The following SRGAP3 variants were observed in gnomAD, a reference collection of about 807,000 sequenced individuals.
SRGAP3 encodes SLIT-ROBO Rho GTPase-activating protein 3.
In SRGAP3, 39 loss-of-function variants were observed where a neutral mutation model predicts 121.1. The observed-to-expected ratio is 0.32, with a 90% CI of 0.25 to 0.42. The LOEUF is 0.42. SRGAP3 is among the 10% of genes least tolerant of loss of function. The probability of loss-of-function intolerance (pLI) is 1.00; values close to 1 mark genes in which losing one functional copy is unlikely to be tolerated. For synonymous variants in SRGAP3, 601 were observed against 570.0 expected, an observed-to-expected ratio of 1.05 and a Z score of -0.77; for missense variants, 1,213 against 1,470.6, an observed-to-expected ratio of 0.82 and a Z score of 2.86.
chr3:9,246,706 A>C (rs1953838370), intron 1 of SRGAP3, among the ~76,000 whole-genome samples: 1 of 152,208 alleles, frequency 6.6e-6, no homozygotes, highest in Non-Finnish European at 1.5e-5. Context: ...TATGATGGTG[A>C]TTAACACACA....
At position 9,353,436 on chromosome 3, in the gene SRGAP3, G is replaced by A. The variant is rs557258710; in HGVS notation, n.214+9404C>T. ...ATAAGGATACAGTTCCTTTCCAAAC[G>A]AATGAGCTGCTTTTAAATCAACTTA... On this transcript the variant is annotated intron_variant and non_coding_transcript_variant, in intron 1 of 3. Transcript: ENST00000490889. Among the ~76,000 whole-genome samples, 9 of 152,334 alleles carry A rather than the reference G, an allele frequency of 5.9e-5. No individual in the cohort carries two copies. In the East Asian group the frequency reaches 1.7e-3, roughly 29 times the overall value.
At chr3:9,146,261 G>A (rs538328636) in intron 1 of SRGAP3, among the ~76,000 whole-genome samples, 1 of 152,254 alleles carries the variant, frequency 6.6e-6, no homozygotes, top group Admixed American at 6.5e-5. Flanking sequence ...AGTGCCACAG[G>A]GCCCATCTCA....
At chr3:9,153,365 A>G (rs1950278350) in intron 1 of SRGAP3, among the ~76,000 whole-genome samples, 1 of 152,210 alleles carries the variant, frequency 6.6e-6, no homozygotes, top group East Asian at 1.9e-4. Context: ...TGAGAGGCAA[A>G]TACTATTATC....
At chr3:9,181,651 G>A (rs528343226) in intron 1 of SRGAP3, among the ~76,000 whole-genome samples, 83 of 152,290 alleles carry the variant, frequency 5.5e-4, no homozygotes, top group African/African-American at 1.9e-3. Flanking sequence ...GCCAGGGAGG[G>A]TACAACGCAT....
At chr3:9,062,484 T>G (rs1244870785) in intron 5 of SRGAP3, among the ~76,000 whole-genome samples, 2 of 152,196 alleles carry the variant, frequency 1.3e-5, no homozygotes, top group Non-Finnish European at 2.9e-5. Flanking sequence ...TAGAATATTT[T>G]CATCACCCCA....
In SRGAP3 at chr3:9,236,633, C is replaced by A. The variant is rs533269035; in HGVS notation, c.67+12252G>T. On this transcript the variant is annotated intron_variant, in intron 1 of 21. Transcript: ENST00000383836. Reference sequence around the variant, plus strand: ...ATGTAAGATGTGCCTGCTTCCCCTTCACCTTCTGCCATGATTGTAAGTATC... The same window carrying A: ...ATGTAAGATGTGCCTGCTTCCCCTTAACCTTCTGCCATGATTGTAAGTATC... Among the ~76,000 whole-genome samples the A allele has an allele frequency of 1.4e-4, 21 of 152,226 alleles. No homozygotes were observed. The South Asian group carries it at 4.4e-3, about 32-fold the overall frequency.
chr3:9,169,645 A>T (rs752949502), intron 1 of SRGAP3, among the ~76,000 whole-genome samples: 10 of 152,262 alleles, frequency 6.6e-5, no homozygotes, highest in Non-Finnish European at 1.2e-4. Flanking sequence ...ACACTTGGGA[A>T]ACTCAAAGTA....
intron 1 of SRGAP3, among the ~76,000 whole-genome samples, chr3:9,350,726 G>A (rs2030087120): frequency 6.6e-6 from 1 of 152,152 alleles, no homozygotes; most frequent in African/African-American, 2.4e-5. Context: ...ACTTGCACAT[G>A]TAACTCTTCT....
chr3:9,361,734 T>C (rs1026387119), intron 1 of SRGAP3, among the ~76,000 whole-genome samples: 1 of 152,210 alleles, frequency 6.6e-6, no homozygotes, highest in Non-Finnish European at 1.5e-5. Context: ...ACCAGCCTGA[T>C]GCTGACCCTC....
At chr3:9,330,835 G>C (rs897273536) in intron 1 of SRGAP3, among the ~76,000 whole-genome samples, 7 of 152,202 alleles carry the variant, frequency 4.6e-5, no homozygotes, top group Non-Finnish European at 4.4e-5. Flanking sequence ...AATGGAGTTT[G>C]AAGATTCAGC....
At chr3:9,263,157 C>A (rs894751376) in intron 3 of SRGAP3, among the ~76,000 whole-genome samples, 1 of 152,146 alleles carries the variant, frequency 6.6e-6, no homozygotes, top group East Asian at 1.9e-4. Flanking sequence ...TAAATAAGTT[C>A]TTTGAAACCA....
intron 1 of SRGAP3, among the ~76,000 whole-genome samples, chr3:9,140,468 TTTGAGG>T (rs1489492737): frequency 6.6e-6 from 1 of 152,168 alleles, no homozygotes; most frequent in Non-Finnish European, 1.5e-5. Flanking sequence ...TCATGGTTAT[TTTGAGG>T]TGGTAGGATT....
At chr3:9,258,903 T>C (rs1954192157) in intron 3 of SRGAP3, among the ~76,000 whole-genome samples, 1 of 152,176 alleles carries the variant, frequency 6.6e-6, no homozygotes, top group Admixed American at 6.5e-5. Context: ...GCTTTTCACG[T>C]GTGAATCAGA....
At chr3:9,299,662 C>A (rs925726044) in intron 3 of SRGAP3, among the ~76,000 whole-genome samples, 14 of 152,190 alleles carry the variant, frequency 9.2e-5, no homozygotes, top group African/African-American at 3.4e-4. Flanking sequence ...GTAATCCCAG[C>A]ACTTTGGGAG....
At chr3:9,071,015 G>A (rs77913797) in intron 4 of SRGAP3, among the ~76,000 whole-genome samples, 1,529 of 152,308 alleles carry the variant, frequency 0.01, 7 homozygotes, top group Non-Finnish European at 0.017. Context: ...TGTTAGCTGG[G>A]TGAGCAGGGC....
At chr3:9,022,376 T>C (rs1486934601) in intron 14 of SRGAP3, among the ~76,000 whole-genome samples, 2 of 152,172 alleles carry the variant, frequency 1.3e-5, no homozygotes, top group African/African-American at 4.8e-5. Context: ...AGGAAAAACA[T>C]GGCATACTGG....
chr3:9,188,342 T>C (rs1205594879), intron 1 of SRGAP3, among the ~76,000 whole-genome samples: 6 of 152,224 alleles, frequency 3.9e-5, no homozygotes, highest in Non-Finnish European at 8.8e-5. Context: ...AGTGTGTCCA[T>C]TTGTTATGTT....
At chr3:9,333,335 G>C (rs530428629) in intron 1 of SRGAP3, among the ~76,000 whole-genome samples, 1 of 152,168 alleles carries the variant, frequency 6.6e-6, no homozygotes, top group South Asian at 2.1e-4. Flanking sequence ...ATATCTTAGG[G>C]CTCCTTCACA....
intron 1 of SRGAP3, chr3:9,236,114 C>G (rs563244674): frequency 6.0e-6 from 1 of 167,822 alleles, no homozygotes; most frequent in South Asian, 2.0e-4. Context: ...CCTCAAACTC[C>G]TCACCATTTC....
Sources: gnomAD v4.1 joint callset for allele counts (sites outside exome capture counted in the v4.1 genomes callset) on GRCh38, gnomAD v4.1.1 for gene constraint, MANE v1.5 for transcripts, NCBI Gene and HGNC (gene_info 2026-07-23, HGNC 2026-07-21) for gene names.